The following HIRA variants were observed in gnomAD, a reference collection of about 807,000 sequenced individuals.
The protein encoded by HIRA is protein HIRA.
Under a neutral mutation model 126.6 loss-of-function variants are expected in HIRA, and 13 were observed. The observed-to-expected ratio is 0.10, with a 90% confidence interval of 0.07 to 0.16. The LOEUF is 0.16. Ranked by LOEUF, HIRA falls within the 10% of genes least tolerant of loss-of-function variation. The probability of loss-of-function intolerance (pLI) is 1.00; values close to 1 mark genes in which losing one functional copy is unlikely to be tolerated. For synonymous variants in HIRA, 511 were observed against 520.0 expected, an observed-to-expected ratio of 0.98 and a Z score of 0.24; for missense variants, 834 against 1,314.4, an observed-to-expected ratio of 0.63 and a Z score of 5.65.
chr22:19,346,406 T>C (rs546118669), intron 24 of HIRA, among the ~76,000 whole-genome samples: 1 of 152,220 alleles, frequency 6.6e-6, no homozygotes, highest in Admixed American at 6.5e-5. Context: ...AGAAGGCTCA[T>C]GCTCACTCAT....
intron 13 of HIRA, 128 bp downstream of exon 13, chr22:19,383,492 T>C: frequency 1.3e-6 from 1 of 753,486 alleles, no homozygotes; most frequent in Non-Finnish European, 2.3e-6. Flanking sequence ...CTTCACTTCC[T>C]TGCTTCCATG....
At chr22:19,407,782 C>G in intron 3 of HIRA, among the ~76,000 whole-genome samples, 1 of 152,176 alleles carries the variant, frequency 6.6e-6, no homozygotes, top group African/African-American at 2.4e-5. Context: ...GCCAGCACTG[C>G]AGATTGACTG....
rs5748184 is a variant in HIRA at position 19,408,790 on chromosome 22, C to T, written c.101-197G>A. Among the ~76,000 whole-genome samples the T allele has an allele frequency of 9.3e-4, 142 of 152,224 alleles. 3 individuals are homozygous for T. In the East Asian group the frequency reaches 0.018, roughly 19 times the overall value. On this transcript the variant is annotated intron_variant, in intron 2 of 24. Coordinates refer to ENST00000263208, the MANE Select transcript of HIRA (RefSeq NM_003325.4). ...AAGTACTCATGGGGACGAAACGGAGCGGACTTAGCAGTCAGCAGAAGTCAA... is the reference window on the plus strand; with the variant it reads ...AAGTACTCATGGGGACGAAACGGAGTGGACTTAGCAGTCAGCAGAAGTCAA...
chr22:19,346,473 A>C (rs2146180018), intron 24 of HIRA, among the ~76,000 whole-genome samples: 1 of 152,386 alleles, frequency 6.6e-6, no homozygotes, highest in South Asian at 2.1e-4. Context: ...AAAAAGGAAC[A>C]AATTCAGAAT....
intron 10 of HIRA, among the ~76,000 whole-genome samples, 163 bp from the exon 11 acceptor site, chr22:19,387,979 G>A (rs1295920799): frequency 2.0e-5 from 3 of 151,048 alleles, no homozygotes; most frequent in Admixed American, 1.3e-4. Flanking sequence ...GGGCGGGGGG[G>A]GGAGGGGGCG....
At chr22:19,390,524 G>A (rs1406750782) in intron 9 of HIRA, among the ~76,000 whole-genome samples, 5 of 143,568 alleles carry the variant, frequency 3.5e-5, no homozygotes. Context: ...CCAGGAGGCA[G>A]AGGTTGCAGT....
At chr22:19,346,911 G>T (rs2088693071) in intron 24 of HIRA, among the ~76,000 whole-genome samples, 1 of 152,180 alleles carries the variant, frequency 6.6e-6, no homozygotes, top group Non-Finnish European at 1.5e-5. Context: ...GAGTTGGTAA[G>T]AATAATCAGC....
At chr22:19,400,463 G>C (rs1484628436) in intron 5 of HIRA, among the ~76,000 whole-genome samples, 1 of 152,092 alleles carries the variant, frequency 6.6e-6, no homozygotes, top group Non-Finnish European at 1.5e-5. Flanking sequence ...TCAGTGTTAC[G>C]AGTTTACCCT....
chr22:19,337,953 G>A (rs1556006442), intron 24 of HIRA, among the ~76,000 whole-genome samples: 2 of 152,044 alleles, frequency 1.3e-5, no homozygotes, highest in African/African-American at 4.8e-5. Flanking sequence ...CACCAGGCCT[G>A]GATAATTTTT....
At chr22:19,419,859 G>A (rs2089429533) in intron 1 of HIRA, among the ~76,000 whole-genome samples, 2 of 152,198 alleles carry the variant, frequency 1.3e-5, no homozygotes, top group Admixed American at 6.5e-5. Context: ...CTGCCTGCAG[G>A]TGGGAAGCAC....
intron 1 of HIRA, among the ~76,000 whole-genome samples, chr22:19,417,973 T>C (rs980195559): frequency 2.0e-5 from 3 of 152,128 alleles, no homozygotes; most frequent in African/African-American, 7.2e-5. Flanking sequence ...TCAAAGACAT[T>C]ATGGTAAGTG....
At chr22:19,365,317 CAGA>C (rs1403156189) in intron 15 of HIRA, among the ~76,000 whole-genome samples, 2 of 152,318 alleles carry the variant, frequency 1.3e-5, no homozygotes, top group African/African-American at 2.4e-5. Flanking sequence ...AGCCTTCTAT[CAGA>C]AGAAGATGTC....
At chr22:19,367,520 C>T (rs1343212168) in intron 15 of HIRA, among the ~76,000 whole-genome samples, 1 of 152,136 alleles carries the variant, frequency 6.6e-6, no homozygotes, top group African/African-American at 2.4e-5. Flanking sequence ...GCACGCACCA[C>T]CACGCCCCGC....
chr22:19,359,234 G>C, intron 18 of HIRA, 102 bp downstream of exon 18: 1 of 1,238,136 alleles, frequency 8.1e-7, no homozygotes, highest in Non-Finnish European at 1.1e-6. Context: ...GTGGGAGCTG[G>C]TGCTCCCAGG....
intron 14 of HIRA, among the ~76,000 whole-genome samples, chr22:19,377,256 G>A (rs1177461063): frequency 2.0e-5 from 3 of 152,212 alleles, no homozygotes; most frequent in Non-Finnish European, 2.9e-5. Context: ...ACTCCCTGAG[G>A]ATGAGGACCC....
intron 2 of HIRA, among the ~76,000 whole-genome samples, chr22:19,410,497 G>T (rs563639029): frequency 6.6e-6 from 1 of 152,296 alleles, no homozygotes; most frequent in South Asian, 2.1e-4. Flanking sequence ...AAATTAGAAT[G>T]ATACATCCGC....
At chr22:19,375,112 T>C (rs2089005544) in intron 15 of HIRA, among the ~76,000 whole-genome samples, 1 of 152,162 alleles carries the variant, frequency 6.6e-6, no homozygotes, top group Non-Finnish European at 1.5e-5. Flanking sequence ...CAGCTGTGTT[T>C]GAGGGGAGAC....
In HIRA at chr22:19,351,493, G is replaced by C. The variant is rs1190472998; in HGVS notation, c.2849-47C>G. The C allele has an allele frequency of 7.5e-7, 1 of 1,338,150 alleles. No homozygotes were observed. 82.9% of individuals were successfully genotyped at this position (1,338,150 alleles called of 1,614,324 possible). ...AACAACAACAACAAAAAACAAAACA[G>C]AAATAGGAACACATTACAAAAAGAA... On this transcript the variant is annotated intron_variant, in intron 23 of 24. Transcript: ENST00000263208. The surrounding 1 kb of genome is among the most constrained non-coding windows in gnomAD (Gnocchi z 4.8).
chr22:19,375,593 C>A, intron 15 of HIRA, 38 bp downstream of exon 15: 1 of 1,608,942 alleles, frequency 6.2e-7, no homozygotes. Context: ...ATGCCTGCAC[C>A]CTGCCTGGTC....
Sources: gnomAD v4.1 joint callset for allele counts (sites outside exome capture counted in the v4.1 genomes callset) on GRCh38, gnomAD v4.1.1 for gene constraint, Gnocchi (gnomAD v3.1) non-coding constraint, MANE v1.5 for transcripts, NCBI Gene and HGNC (gene_info 2026-07-23, HGNC 2026-07-21) for gene names.